Variants in SGPP2 observed in about 807,000 individuals in gnomAD.
SGPP2 encodes sphingosine 1-phosphate phosphohydrolase 2.
SGPP2 carries 30 observed loss-of-function variants against 33.9 expected under a neutral mutation model. The observed-to-expected ratio is 0.89, with a 90% CI of 0.66 to 1.20. The LOEUF is 1.20. Among genes scored for constraint, SGPP2 ranks in the 50% most tolerant of loss-of-function variants. The pLI, the probability that SGPP2 is intolerant of heterozygous loss-of-function variation, is 0.00. For synonymous variants in SGPP2, 233 were observed against 225.0 expected (o/e 1.04, Z -0.32); for missense variants, 458 against 532.1 (o/e 0.86, Z 1.37).
At chr2:222,502,221 C>T (rs146262357) in intron 2 of SGPP2, among the ~76,000 whole-genome samples, 270 of 152,246 alleles carry the variant, frequency 1.8e-3, no homozygotes, top group Non-Finnish European at 1.8e-3. Flanking sequence ...GAGAAAATTA[C>T]GTAAGTTTAT....
intron 1 of SGPP2, among the ~76,000 whole-genome samples, chr2:222,448,018 C>CTG (rs1423153201): frequency 6.6e-6 from 1 of 152,214 alleles, no homozygotes; most frequent in Non-Finnish European, 1.5e-5. Context: ...GCCAAGGATG[C>CTG]TGAGGCAGGC....
At chr2:222,482,052 G>A (rs1481792541) in intron 2 of SGPP2, among the ~76,000 whole-genome samples, 1 of 152,200 alleles carries the variant, frequency 6.6e-6, no homozygotes, top group African/African-American at 2.4e-5. Context: ...CAGATTGGAA[G>A]CAAGGAGTAC....
chr2:222,452,703 C>T, intron 1 of SGPP2: 2 of 1,377,468 alleles, frequency 1.5e-6, no homozygotes, highest in East Asian at 2.3e-5. Context: ...GCTTGAATTG[C>T]TCCAGGTCTG....
At chr2:222,427,377 C>A (rs1559140637) in intron 1 of SGPP2, among the ~76,000 whole-genome samples, 1 of 152,166 alleles carries the variant, frequency 6.6e-6, no homozygotes. Context: ...TCTCCTGCCT[C>A]AGCCTCCTGT....
At chr2:222,479,645 C>T (rs902014791) in intron 2 of SGPP2, among the ~76,000 whole-genome samples, 3 of 151,882 alleles carry the variant, frequency 2.0e-5, no homozygotes, top group Non-Finnish European at 4.4e-5. Flanking sequence ...CCTCATGATC[C>T]GCCCACCTCA....
At chr2:222,539,097 A>G (rs1226042554) in intron 4 of SGPP2, among the ~76,000 whole-genome samples, 1 of 152,204 alleles carries the variant, frequency 6.6e-6, no homozygotes, top group African/African-American at 2.4e-5. Flanking sequence ...CCCAAGTCCC[A>G]TCTAAGACAA....
intron 1 of SGPP2, among the ~76,000 whole-genome samples, chr2:222,446,183 G>T (rs1697395947): frequency 6.6e-6 from 1 of 152,134 alleles, no homozygotes; most frequent in African/African-American, 2.4e-5. Context: ...TGATGAGGGA[G>T]CTGAGTACGG....
At chr2:222,433,805 G>A (rs1559142216) in intron 1 of SGPP2, among the ~76,000 whole-genome samples, 1 of 152,304 alleles carries the variant, frequency 6.6e-6, no homozygotes, top group Admixed American at 6.5e-5. Flanking sequence ...GCCATGAAGG[G>A]AGGTATTGCT....
chr2:222,439,663 T>C (rs1183399623), intron 1 of SGPP2, among the ~76,000 whole-genome samples: 2 of 152,234 alleles, frequency 1.3e-5, no homozygotes, highest in Non-Finnish European at 2.9e-5. Context: ...AACTTGGATG[T>C]ATGTCACGGG....
intron 2 of SGPP2, among the ~76,000 whole-genome samples, chr2:222,489,277 A>G (rs1698161029): frequency 6.6e-6 from 1 of 152,194 alleles, no homozygotes; most frequent in Non-Finnish European, 1.5e-5. Flanking sequence ...GAGGTTGAAC[A>G]ATTTTCAATG....
chr2:222,451,755 A>G (rs1697492646), intron 1 of SGPP2, among the ~76,000 whole-genome samples: 1 of 152,236 alleles, frequency 6.6e-6, no homozygotes. Flanking sequence ...AAAGATCTAT[A>G]AATTCAAAAA....
At position 222,491,746 on chromosome 2, in the gene SGPP2, C is replaced by A. The variant is rs1195919727; in HGVS notation, c.378+17020C>A. Among the ~76,000 whole-genome samples the A allele has an allele frequency of 3.9e-5, 6 of 152,094 alleles. No individual in the cohort carries two copies. The East Asian group carries it at 9.6e-4, about 24-fold the overall frequency. On this transcript the variant is annotated intron_variant, in intron 2 of 4. Transcript: ENST00000321276. ...ATTTCAACACACAATCTTGCCTTCCCAACAGTCCCCCAAAGTCTTAACTCA... is the reference window on the plus strand; with the variant it reads ...ATTTCAACACACAATCTTGCCTTCCAAACAGTCCCCCAAAGTCTTAACTCA...
chr2:222,534,070 A>G (rs971472085), intron 4 of SGPP2, among the ~76,000 whole-genome samples: 5 of 152,330 alleles, frequency 3.3e-5, no homozygotes, highest in African/African-American at 9.6e-5. Flanking sequence ...ACAAAGTCCC[A>G]TGATATGCTC....
intron 1 of SGPP2, among the ~76,000 whole-genome samples, chr2:222,435,028 G>A (rs369286211): frequency 8.3e-4 from 116 of 140,050 alleles, no homozygotes; most frequent in Middle Eastern, 3.6e-3. Flanking sequence ...GTATATGTGT[G>A]TATATATATG....
chr2:222,528,190 G>A (rs990114026), intron 4 of SGPP2, among the ~76,000 whole-genome samples: 14 of 152,172 alleles, frequency 9.2e-5, no homozygotes, highest in African/African-American at 3.4e-4. Context: ...GAAACCCCAT[G>A]TTCAGAGAAG....
intron 1 of SGPP2, among the ~76,000 whole-genome samples, chr2:222,439,384 T>G (rs1312117912): frequency 6.6e-6 from 1 of 151,974 alleles, no homozygotes; most frequent in Non-Finnish European, 1.5e-5. Context: ...ATACAAAAAT[T>G]AGACAAATGT....
chr2:222,526,006 T>C (rs1170452634), intron 4 of SGPP2, among the ~76,000 whole-genome samples: 1 of 152,144 alleles, frequency 6.6e-6, no homozygotes. Flanking sequence ...GTTTATGGCT[T>C]CCCAAGGGTC....
rs530655767 is a variant in SGPP2, at chr2:222,457,722, G to A, written c.220-16846G>A. Reference sequence around the variant, plus strand: ...CTAGGACTACAGAAGGGCTCTGTCTGGGTCTATGTTCCCGCATGAACAGCC... The same window carrying A: ...CTAGGACTACAGAAGGGCTCTGTCTAGGTCTATGTTCCCGCATGAACAGCC... On this transcript the variant is annotated intron_variant, in intron 1 of 4. Transcript: ENST00000321276. Among the ~76,000 whole-genome samples the A allele has an allele frequency of 3.0e-3, 456 of 152,300 alleles. 2 individuals are homozygous for A. The highest frequency in any genetic ancestry group is 0.011 in the African/African-American group (441 of 41,568).
chr2:222,522,526 A>C (rs1313061844), intron 3 of SGPP2, among the ~76,000 whole-genome samples: 2 of 152,256 alleles, frequency 1.3e-5, no homozygotes, highest in African/African-American at 4.8e-5. Context: ...AATTTTACTT[A>C]ATATCTGCTT....
Sources: gnomAD v4.1 joint callset for allele counts (sites outside exome capture counted in the v4.1 genomes callset) on GRCh38, gnomAD v4.1.1 for gene constraint, MANE v1.5 for transcripts, NCBI Gene and HGNC (gene_info 2026-07-23, HGNC 2026-07-21) for gene names.